The following GSAP variants were observed in gnomAD, a reference collection of about 807,000 sequenced individuals.
The protein encoded by GSAP is gamma-secretase-activating protein.
A neutral mutation model predicts 131.7 loss-of-function variants in GSAP; 118 were observed. The ratio of observed to expected loss-of-function variants is 0.90; its 90% CI spans 0.77 to 1.04. The LOEUF (loss-of-function observed/expected upper bound fraction) is 1.04, where lower values mean the gene tolerates loss of function less well. GSAP is among the 50% of genes least tolerant of loss of function. GSAP has a pLI of 0.00. For synonymous variants in GSAP, 381 were observed against 363.4 expected, an observed-to-expected ratio of 1.05 and a Z score of -0.55; for missense variants, 1,019 against 1,013.2, an observed-to-expected ratio of 1.01 and a Z score of -0.08.
intron 12 of GSAP, among the ~76,000 whole-genome samples, chr7:77,362,931 G>C (rs924325542): frequency 1.3e-5 from 2 of 152,154 alleles, no homozygotes; most frequent in Non-Finnish European, 2.9e-5. Flanking sequence ...ATGAAATAAT[G>C]GGGTTCTAGA....
chr7:77,341,211 C>T (rs1160748527), intron 19 of GSAP, among the ~76,000 whole-genome samples: 1 of 152,108 alleles, frequency 6.6e-6, no homozygotes, highest in East Asian at 1.9e-4. Flanking sequence ...GTCTCTGCTC[C>T]CAATGTGACT....
At chr7:77,314,242 A>T in intron 27 of GSAP, 128 bp downstream of exon 27, 1 of 880,890 alleles carries the variant, frequency 1.1e-6, no homozygotes, top group Non-Finnish European at 1.8e-6. Flanking sequence ...ATGCAGCATT[A>T]AACTGAGCAG....
intron 6 of GSAP, among the ~76,000 whole-genome samples, chr7:77,386,112 A>G (rs1343854720): frequency 6.6e-6 from 1 of 152,216 alleles, no homozygotes; most frequent in Admixed American, 6.5e-5. Context: ...CAAATGCCAT[A>G]ATCCTAAATA....
chr7:77,354,677 CT>C (rs58464934), intron 16 of GSAP, among the ~76,000 whole-genome samples: 67,818 of 140,684 alleles, frequency 0.48, 16,969 homozygotes, highest in Middle Eastern at 0.65. Context: ...CGTCTAATGT[CT>C]TTTTTTTTTT....
At chr7:77,322,066 A>G (rs1787717483) in intron 24 of GSAP, among the ~76,000 whole-genome samples, 1 of 152,154 alleles carries the variant, frequency 6.6e-6, no homozygotes. Context: ...AGCAGTCCCT[A>G]TGGAGTTGTT....
intron 14 of GSAP, among the ~76,000 whole-genome samples, chr7:77,357,690 A>G (rs1391551161): frequency 6.6e-6 from 1 of 152,226 alleles, no homozygotes; most frequent in East Asian, 1.9e-4. Context: ...CTTGGGCCAC[A>G]TTCAAGCCAT....
chr7:77,317,388 G>A (rs543721959), intron 26 of GSAP, among the ~76,000 whole-genome samples: 4 of 149,424 alleles, frequency 2.7e-5, no homozygotes, highest in Non-Finnish European at 5.9e-5. Context: ...GGGGTTGGGG[G>A]CTGGGGGAGG....
In GSAP at chr7:77,387,384, A is replaced by G. The variant is rs1302786250; in HGVS notation, c.432T>C (p.Ala144=). 10 of 1,591,290 alleles carry G rather than the reference A, an allele frequency of 6.3e-6. No homozygotes were observed. The highest frequency in any genetic ancestry group is 8.6e-6 in the Non-Finnish European group (10 of 1,159,246). ...HPVNNVKVLK[A]VDSYIWVQFL... ...CCTGAACCCAAATATAGCTATCCAC[A>G]GCCTTTAGAACCTTCACATTGTTAA... Residue 144 remains alanine, a synonymous_variant, in exon 6 of 31, where the codon GCT becomes GCC. Transcript: ENST00000257626.
intron 21 of GSAP, 23 bp downstream of exon 21, chr7:77,329,310 T>C (rs1282254805): frequency 1.5e-6 from 2 of 1,366,412 alleles, no homozygotes; most frequent in African/African-American, 2.9e-5. Context: ...CTTACAGATA[T>C]GATAACCTCT....
chr7:77,361,450 T>C (rs1474689125), intron 13 of GSAP, among the ~76,000 whole-genome samples: 1 of 152,208 alleles, frequency 6.6e-6, no homozygotes, highest in Non-Finnish European at 1.5e-5. Context: ...GTGAAAAATT[T>C]TCCACAAAAA....
intron 5 of GSAP, among the ~76,000 whole-genome samples, chr7:77,395,005 T>G (rs1397727602): frequency 6.6e-6 from 1 of 152,178 alleles, no homozygotes; most frequent in Non-Finnish European, 1.5e-5. Context: ...GCAGATCATC[T>G]CACTATAAGT....
chr7:77,372,566 A>T (rs989497944), intron 12 of GSAP, among the ~76,000 whole-genome samples: 1 of 152,208 alleles, frequency 6.6e-6, no homozygotes, highest in African/African-American at 2.4e-5. Context: ...GATGTCTGCA[A>T]CCTATTTTTG....
chr7:77,379,427 A>C (rs1407238105), intron 8 of GSAP, among the ~76,000 whole-genome samples: 1 of 151,784 alleles, frequency 6.6e-6, no homozygotes, highest in East Asian at 2.0e-4. Flanking sequence ...GCTGTCATCT[A>C]AGCCTTTAAG....
intron 18 of GSAP, among the ~76,000 whole-genome samples, chr7:77,350,697 T>TG (rs1792733575): frequency 6.6e-6 from 1 of 152,010 alleles, no homozygotes; most frequent in Admixed American, 6.6e-5. Context: ...GAGCTGAGAC[T>TG]GCACCATTGC....
Position 77,358,881 on chromosome 7 carries a change from A to C in GSAP, c.1027+1943T>G, listed in dbSNP as rs149278042. 3.9e-3 allele frequency among the ~76,000 whole-genome samples: 591 copies of C among 152,322 alleles called. 5 individuals carry two copies. The highest frequency in any genetic ancestry group is 0.013 in the African/African-American group (549 of 41,580). The stretch of plus-strand genomic sequence containing the variant: ...AAATGCTAAGAAAACAAAAATTACA[A>C]AATGTTTAAAGAAACTATTAATAGG... On this transcript the variant is annotated intron_variant, in intron 14 of 30. Transcript: ENST00000257626.
At chr7:77,365,914 T>G (rs969587328) in intron 12 of GSAP, among the ~76,000 whole-genome samples, 127 of 150,784 alleles carry the variant, frequency 8.4e-4, no homozygotes, top group African/African-American at 2.9e-3. Context: ...TTTTTTTTTT[T>G]TTTTTTTTAC....
intron 19 of GSAP, among the ~76,000 whole-genome samples, chr7:77,348,020 C>G (rs1462665604): frequency 4.0e-5 from 6 of 150,786 alleles, no homozygotes; most frequent in Non-Finnish European, 8.9e-5. Flanking sequence ...AAATAAGAAA[C>G]TGGATGGGTA....
intron 3 of GSAP, among the ~76,000 whole-genome samples, chr7:77,400,138 T>C (rs186236791): frequency 2.0e-5 from 3 of 152,266 alleles, no homozygotes; most frequent in Admixed American, 1.3e-4. Context: ...ACTCCCACCT[T>C]TGCCCAGCTG....
intron 13 of GSAP, among the ~76,000 whole-genome samples, chr7:77,361,349 A>G (rs1042377092): frequency 2.6e-5 from 4 of 152,196 alleles, no homozygotes; most frequent in Admixed American, 1.3e-4. Context: ...ACCTCAGTAT[A>G]TTGGCCTTTC....
Sources: gnomAD v4.1 joint callset for allele counts (sites outside exome capture counted in the v4.1 genomes callset) on GRCh38, gnomAD v4.1.1 for gene constraint, MANE v1.5 for transcripts, NCBI Gene and HGNC (gene_info 2026-07-23, HGNC 2026-07-21) for gene names.